MAP2K1: variants seen among roughly 807,000 people sequenced by gnomAD.
The protein encoded by MAP2K1 is dual specificity mitogen-activated protein kinase kinase 1.
In MAP2K1, 16 loss-of-function variants were observed where a neutral mutation model predicts 46.3. The ratio of observed to expected loss-of-function variants is 0.35; its 90% confidence interval spans 0.23 to 0.52. The LOEUF is 0.52. Among genes scored for constraint, MAP2K1 ranks in the 20% least tolerant of loss-of-function variants. MAP2K1 has a pLI of 0.94. For synonymous variants in MAP2K1, 183 were observed against 185.6 expected (o/e 0.99, Z 0.11); for missense variants, 263 against 497.1 (o/e 0.53, Z 4.48).
chr15:66,399,785 T>TG (rs1453053530), intron 1 of MAP2K1, among the ~76,000 whole-genome samples: 5 of 152,028 alleles, frequency 3.3e-5, no homozygotes, highest in Non-Finnish European at 5.9e-5. Flanking sequence ...TTAGTAGAGA[T>TG]GGGGTTTCAC....
At chr15:66,456,236 A>T (rs970905266) in intron 5 of MAP2K1, among the ~76,000 whole-genome samples, 2 of 152,168 alleles carry the variant, frequency 1.3e-5, no homozygotes, top group African/African-American at 4.8e-5. Flanking sequence ...TGGGAAAGGG[A>T]CATATCTGTA....
At chr15:66,435,328 C>T in intron 2 of MAP2K1, 91 bp downstream of exon 2, 2 of 1,012,248 alleles carry the variant, frequency 2.0e-6, no homozygotes, top group South Asian at 1.3e-5. Context: ...TGATTTTACT[C>T]AATACCTTTT....
At position 66,392,254 on chromosome 15, in the gene MAP2K1, G is replaced by GTTTTTTTT. The variant is rs374203054; in HGVS notation, c.80+4827_80+4828insTTTTTTTT. On this transcript the variant is annotated intron_variant, in intron 1 of 10. Transcript: ENST00000307102. ...CACGAATATTTGTGTGTTTTTTTTG[G>GTTTTTTTT]GTTTTTTTTTTTTTTTTTTTTTTTT... Among the ~76,000 whole-genome samples the GTTTTTTTT allele has an allele frequency of 2.3e-3, 182 of 79,660 alleles. 15 individuals are homozygous for GTTTTTTTT. The highest frequency in any genetic ancestry group is 0.02 in the Middle Eastern group (2 of 102). The allele number at this position is 79,660 out of a possible 152,430, so 52.3% of individuals were successfully genotyped here. A position where few individuals can be genotyped will look rare whatever the true frequency, so the allele number is the denominator to read the frequency against.
intron 1 of MAP2K1, among the ~76,000 whole-genome samples, chr15:66,399,690 G>A (rs1344359358): frequency 2.6e-5 from 4 of 152,148 alleles, no homozygotes; most frequent in African/African-American, 7.2e-5. Context: ...TCCACCTCCC[G>A]GGTTCAAGTG....
At chr15:66,431,929 A>G (rs2064807318) in intron 1 of MAP2K1, among the ~76,000 whole-genome samples, 2 of 152,114 alleles carry the variant, frequency 1.3e-5, no homozygotes, top group South Asian at 4.1e-4. Context: ...CCCACTTACT[A>G]GTGAGAACAT....
At chr15:66,404,437 A>G (rs374054157) in intron 1 of MAP2K1, among the ~76,000 whole-genome samples, 22 of 152,376 alleles carry the variant, frequency 1.4e-4, no homozygotes, top group South Asian at 4.1e-4. Context: ...CAACACTTCA[A>G]TATTTACTGG....
intron 1 of MAP2K1, 116 bp downstream of exon 1, chr15:66,387,543 G>T: frequency 9.2e-7 from 1 of 1,084,262 alleles, no homozygotes; most frequent in South Asian, 1.4e-5. Context: ...GGCTGGCAGG[G>T]GGCGAGAAAC....
rs1390522409 is a variant in MAP2K1, at chr15:66,421,884, T to TC, written c.81-13143_81-13142insC. ...CCCCTACTAGAATGCCCTCTTTCTC[T>TC]TTTTTTTTTTTTGCTATCTCATTAT... On this transcript the variant is annotated intron_variant, in intron 1 of 10. Coordinates refer to ENST00000307102, the MANE Select transcript of MAP2K1 (RefSeq NM_002755.4). Among the ~76,000 whole-genome samples, 7 of 19,410 alleles carry TC rather than the reference T, an allele frequency of 3.6e-4. No homozygotes were observed. The East Asian group carries it at 0.022, about 62-fold the overall frequency. 12.7% of individuals were successfully genotyped at this position (19,410 alleles called of 152,430 possible).
At chr15:66,431,821 A>G (rs970758386) in intron 1 of MAP2K1, among the ~76,000 whole-genome samples, 1 of 152,140 alleles carries the variant, frequency 6.6e-6, no homozygotes, top group South Asian at 2.1e-4. Context: ...GCCAGCATCT[A>G]TTAGCTATTC....
At chr15:66,415,987 C>T (rs181680076) in intron 1 of MAP2K1, among the ~76,000 whole-genome samples, 58 of 152,194 alleles carry the variant, frequency 3.8e-4, no homozygotes, top group African/African-American at 1.2e-3. Flanking sequence ...ACAGAAGTCA[C>T]CCTAGCTCCC....
chr15:66,490,193 T>C, intron 10 of MAP2K1: 1 of 537,534 alleles, frequency 1.9e-6, no homozygotes, highest in Non-Finnish European at 3.3e-6. Flanking sequence ...GTATATAATA[T>C]GCACTAAGTC....
chr15:66,399,755 C>T (rs2093377097), intron 1 of MAP2K1, among the ~76,000 whole-genome samples: 2 of 152,180 alleles, frequency 1.3e-5, no homozygotes, highest in South Asian at 4.1e-4. Context: ...TGCCACCATG[C>T]CTGGGTAATT....
At chr15:66,414,488 T>A (rs1334470374) in intron 1 of MAP2K1, among the ~76,000 whole-genome samples, 1 of 152,168 alleles carries the variant, frequency 6.6e-6, no homozygotes, top group Non-Finnish European at 1.5e-5. Flanking sequence ...GATGTAAAGC[T>A]TCTGGTGTCT....
intron 1 of MAP2K1, among the ~76,000 whole-genome samples, chr15:66,428,954 A>T (rs111714747): frequency 2.0e-5 from 3 of 150,798 alleles, no homozygotes; most frequent in African/African-American, 7.3e-5. Flanking sequence ...TAATTTTTCT[A>T]TTTTTTGTAG....
intron 1 of MAP2K1, among the ~76,000 whole-genome samples, chr15:66,410,373 A>AC (rs1371733734): frequency 6.6e-6 from 1 of 152,204 alleles, no homozygotes; most frequent in East Asian, 1.9e-4. Flanking sequence ...CTAGGGGTTA[A>AC]CTGTGTGGGT....
chr15:66,457,743 C>T (rs1199007537), intron 5 of MAP2K1, among the ~76,000 whole-genome samples: 1 of 152,010 alleles, frequency 6.6e-6, no homozygotes, highest in Non-Finnish European at 1.5e-5. Context: ...GGGTGGATCA[C>T]CTCAGGTCAG....
chr15:66,488,430 C>T (rs1314873459), intron 8 of MAP2K1, among the ~76,000 whole-genome samples: 2 of 152,140 alleles, frequency 1.3e-5, no homozygotes, highest in African/African-American at 4.8e-5. Context: ...TTGGGCTGTA[C>T]ATCAGAGCAG....
At chr15:66,456,215 T>G (rs1156509999) in intron 5 of MAP2K1, among the ~76,000 whole-genome samples, 1 of 152,196 alleles carries the variant, frequency 6.6e-6, no homozygotes, top group Non-Finnish European at 1.5e-5. Flanking sequence ...CTCCAGGAGC[T>G]TAGAGTCTAA....
At chr15:66,454,888 A>C (rs1314657698) in intron 5 of MAP2K1, among the ~76,000 whole-genome samples, 2 of 151,974 alleles carry the variant, frequency 1.3e-5, no homozygotes, top group Non-Finnish European at 2.9e-5. Flanking sequence ...GTCTCGAAAA[A>C]AAAAAACAAA....
Sources: allele counts gnomAD v4.1 joint callset (sites outside exome capture counted in the v4.1 genomes callset), GRCh38; gene constraint gnomAD v4.1.1; transcripts MANE v1.5; gene names NCBI Gene and HGNC (gene_info 2026-07-23, HGNC 2026-07-21).